Variants in GLRA2 observed in about 807,000 individuals in gnomAD.
GLRA2 encodes the protein glycine receptor alpha 2.
GLRA2 carries 11 observed loss-of-function variants against 31.6 expected under a neutral mutation model. The observed-to-expected ratio is 0.35, with a 90% CI of 0.22 to 0.58. The LOEUF is 0.58. Ranked by LOEUF, GLRA2 falls within the 20% of genes least tolerant of loss-of-function variation. The pLI is 0.84. For missense variants in GLRA2, 212 were observed against 351.8 expected (o/e 0.60, Z 3.18); for synonymous variants, 132 against 134.0 (o/e 0.99, Z 0.10).
the GLRA2 span, among the ~76,000 whole-genome samples, chrX:14,512,860 A>G: frequency 9.0e-6 from 1 of 111,717 alleles, no homozygotes; most frequent in African/African-American, 3.3e-5. Flanking sequence ...TACACATTCA[A>G]TGCAATTCCC....
At chrX:14,470,902 A>G in the GLRA2 span, among the ~76,000 whole-genome samples, 2 of 111,787 alleles carry the variant, frequency 1.8e-5, no homozygotes, top group African/African-American at 6.5e-5. Context: ...TTCTATGATT[A>G]AGGGATAAAG....
rs774366557 is a variant in GLRA2, at chrX:14,550,263, T to G, written c.202+17891T>G. Among the ~76,000 whole-genome samples the G allele has an allele frequency of 4.6e-5, 5 of 107,605 alleles. No individual in the cohort carries two copies. The East Asian group carries it at 1.2e-3, about 25-fold the overall frequency. The allele number at this position is 107,605 out of a possible 115,157, so 93.4% of individuals were successfully genotyped here. On this transcript the variant is annotated intron_variant, in intron 2 of 8. Coordinates refer to ENST00000218075, the MANE Select transcript of GLRA2 (RefSeq NM_002063.4). Reference sequence around the variant, plus strand: ...TACAGAATTTGAGGGAAAGGAGGTTTTTTTTTTTTTAAAATTAAGATGAGA... The same window carrying G: ...TACAGAATTTGAGGGAAAGGAGGTTGTTTTTTTTTTAAAATTAAGATGAGA...
chrX:14,724,679 T>A lies in GLRA2; in HGVS notation c.1081-5528T>A, dbSNP rs1013822884. On this transcript the variant is annotated intron_variant, in intron 8 of 8. Coordinates refer to ENST00000218075, the MANE Select transcript of GLRA2 (RefSeq NM_002063.4). The stretch of plus-strand genomic sequence containing the variant: ...AAGAAGAAGAATGGCAGTTGCTCAA[T>A]AAATAAATCCTGGAAGTTTCTTCTT... Among the ~76,000 whole-genome samples the A allele has an allele frequency of 2.4e-3, 227 of 94,677 alleles. 1 individual carries two copies. The highest frequency in any genetic ancestry group is 7.8e-3 in the African/African-American group (196 of 25,029). 82.2% of individuals were successfully genotyped at this position (94,677 alleles called of 115,157 possible).
chrX:14,496,293 T>G, the GLRA2 span, among the ~76,000 whole-genome samples: 10 of 111,787 alleles, frequency 8.9e-5, no homozygotes, highest in Non-Finnish European at 1.9e-4. Flanking sequence ...GTATCTTGAG[T>G]TCTTCTAGAA....
chrX:14,659,902 GATTT>G (rs2090975140), intron 7 of GLRA2, among the ~76,000 whole-genome samples: 1 of 111,900 alleles, frequency 8.9e-6, no homozygotes, highest in African/African-American at 3.2e-5. Flanking sequence ...TCATTCAGTG[GATTT>G]ATCTGTTGCA....
At chrX:14,523,345 T>C in the GLRA2 span, among the ~76,000 whole-genome samples, 1 of 112,044 alleles carries the variant, frequency 8.9e-6, no homozygotes, top group Non-Finnish European at 1.9e-5. Context: ...AAGGGTATGT[T>C]GTGACTGCTT....
At chrX:14,710,301 C>A (rs2091693886) in intron 8 of GLRA2, among the ~76,000 whole-genome samples, 1 of 111,792 alleles carries the variant, frequency 8.9e-6, no homozygotes, top group African/African-American at 3.3e-5. Context: ...AGAAATTGAG[C>A]AGTAAGAGGG....
chrX:14,662,934 AG>A, intron 7 of GLRA2, among the ~76,000 whole-genome samples: 1 of 111,911 alleles, frequency 8.9e-6, no homozygotes, highest in Middle Eastern at 4.6e-3. Context: ...TATGAATAAA[AG>A]TTATTAATTT....
chrX:14,527,992 A>G (rs2089200991), upstream of GLRA2, among the ~76,000 whole-genome samples: 1 of 112,429 alleles, frequency 8.9e-6, no homozygotes, highest in Non-Finnish European at 1.9e-5. Flanking sequence ...ATATTTGAAG[A>G]ATTGATTTTG....
intron 8 of GLRA2, among the ~76,000 whole-genome samples, chrX:14,715,480 C>T (rs905310415): frequency 6.3e-5 from 7 of 111,595 alleles, no homozygotes; most frequent in African/African-American, 2.3e-4. Context: ...TATGTCAGAA[C>T]GGGCCCCTGC....
chrX:14,621,342 CT>C (rs1187626758), intron 7 of GLRA2, among the ~76,000 whole-genome samples: 1 of 109,941 alleles, frequency 9.1e-6, no homozygotes, highest in Non-Finnish European at 1.9e-5. Flanking sequence ...TTTTTTAAAA[CT>C]AAAAGTTTGT....
chrX:14,530,633 CT>C (rs1264310995), intron 1 of GLRA2, among the ~76,000 whole-genome samples: 1 of 111,682 alleles, frequency 9.0e-6, no homozygotes, highest in Non-Finnish European at 1.9e-5. Flanking sequence ...TCAAAAATTT[CT>C]TTTTACTACT....
the GLRA2 span, among the ~76,000 whole-genome samples, chrX:14,471,212 TAATA>T: frequency 3.6e-5 from 4 of 111,973 alleles, no homozygotes; most frequent in East Asian, 2.8e-4. Flanking sequence ...AGAAGAGACC[TAATA>T]AATCATGTGC....
chrX:14,573,564 C>A (rs966613376), intron 2 of GLRA2, among the ~76,000 whole-genome samples: 1 of 110,672 alleles, frequency 9.0e-6, no homozygotes, highest in Non-Finnish European at 1.9e-5. Context: ...AGCAGAGAAT[C>A]ATCAGACAGT....
the GLRA2 span, among the ~76,000 whole-genome samples, chrX:14,464,194 AATTT>A: frequency 8.9e-6 from 1 of 111,850 alleles, no homozygotes; most frequent in African/African-American, 3.2e-5. Flanking sequence ...AGTTTGATAC[AATTT>A]ATTTATTTTT....
At chrX:14,505,460 A>G in the GLRA2 span, among the ~76,000 whole-genome samples, 1 of 111,514 alleles carries the variant, frequency 9.0e-6, no homozygotes, top group Non-Finnish European at 1.9e-5. Flanking sequence ...CTGAGCCAAG[A>G]CTGAACATTT....
At chrX:14,632,874 A>G (rs2090666924) in intron 7 of GLRA2, among the ~76,000 whole-genome samples, 1 of 112,025 alleles carries the variant, frequency 8.9e-6, no homozygotes, top group African/African-American at 3.2e-5. Flanking sequence ...TCAAAAAGAT[A>G]ATAAGATAGT....
intron 7 of GLRA2, among the ~76,000 whole-genome samples, chrX:14,623,639 G>A (rs923548584): frequency 9.0e-6 from 1 of 111,644 alleles, no homozygotes; most frequent in African/African-American, 3.3e-5. Flanking sequence ...CTGTTTATAT[G>A]CTGGATTACA....
rs764738496 is a variant in GLRA2, at chrX:14,690,829, C to T, written c.1050C>T (p.Arg350=). The change falls in exon 8 of 9, where the codon CGC becomes CGT. Residue 350 remains arginine (R), a synonymous_variant. Transcript: ENST00000218075. ...FVSRQHKEFL[R]LRRRQKRQNK... ...CCAGGCAACACAAGGAGTTCCTGCG[C>T]CTCCGAAGAAGACAGAAGAGGCAGA... 2.5e-6 allele frequency: 3 copies of T among 1,208,279 alleles called. No homozygotes were observed. The highest frequency in any genetic ancestry group is 5.9e-5 in the East Asian group (2 of 33,835).
Sources: gnomAD v4.1 joint callset for allele counts (sites outside exome capture counted in the v4.1 genomes callset) on GRCh38, gnomAD v4.1.1 for gene constraint, MANE v1.5 for transcripts, NCBI Gene and HGNC (gene_info 2026-07-23, HGNC 2026-07-21) for gene names.